Variants in RFX8 observed in about 807,000 individuals in gnomAD.
RFX8 encodes the protein DNA-binding protein RFX8.
A neutral mutation model predicts 54.6 loss-of-function variants in RFX8; 46 were observed. The ratio of observed to expected loss-of-function variants is 0.84; its 90% confidence interval spans 0.67 to 1.08. The LOEUF is 1.08. Among genes scored for constraint, RFX8 ranks in the 50% least tolerant of loss-of-function variants. The probability of loss-of-function intolerance (pLI) is 0.00; values close to 1 mark genes in which losing one functional copy is unlikely to be tolerated. For missense variants in RFX8, 536 were observed against 562.3 expected, an observed-to-expected ratio of 0.95 and a Z score of 0.47; for synonymous variants, 192 against 209.5, an observed-to-expected ratio of 0.92 and a Z score of 0.72.
intron 2 of RFX8, among the ~76,000 whole-genome samples, chr2:101,437,637 A>G (rs1015452955): frequency 6.6e-6 from 1 of 152,138 alleles, no homozygotes; most frequent in Non-Finnish European, 1.5e-5. Context: ...GAAAGAAGGA[A>G]GGAAGGAAAG....
chr2:101,462,211 T>G (rs776028793), intron 2 of RFX8, among the ~76,000 whole-genome samples: 1 of 152,102 alleles, frequency 6.6e-6, no homozygotes, highest in Non-Finnish European at 1.5e-5. Context: ...GTGCATTGCT[T>G]AAGCCCAGGG....
intron 10 of RFX8, among the ~76,000 whole-genome samples, chr2:101,403,776 G>T (rs990577415): frequency 1.3e-5 from 2 of 152,122 alleles, no homozygotes; most frequent in African/African-American, 4.8e-5. Flanking sequence ...GACAGAGCGA[G>T]ACTCCATCTC....
chr2:101,421,613 C>A, intron 4 of RFX8, 111 bp downstream of exon 4: 2 of 1,469,808 alleles, frequency 1.4e-6, no homozygotes, highest in Non-Finnish European at 1.8e-6. Flanking sequence ...AGTGGGTTAC[C>A]ATTGGACATC....
At chr2:101,421,486 A>G in intron 4 of RFX8, 2 of 1,198,770 alleles carry the variant, frequency 1.7e-6, no homozygotes, top group African/African-American at 3.1e-5. Context: ...TTTAGAGCCT[A>G]AAGTTATCTG....
chr2:101,452,004 G>A (rs185178099), intron 2 of RFX8, among the ~76,000 whole-genome samples: 5 of 151,422 alleles, frequency 3.3e-5, no homozygotes, highest in Non-Finnish European at 5.9e-5. Context: ...GAAGTGGAAG[G>A]ACTGCTTGAG....
chr2:101,419,022 C>CTTA (rs2104574169), intron 4 of RFX8, 58 bp from the exon 5 acceptor site: 1 of 834,958 alleles, frequency 1.2e-6, no homozygotes, highest in African/African-American at 1.7e-5. Flanking sequence ...CAAGACTAAC[C>CTTA]CCCCGCCACA....
chr2:101,402,593 G>A lies in RFX8; in HGVS notation c.1088C>T (p.Ser363Phe). ...CGCCTGCGACAGTGAGGAATTCAGA[G>A]AATGGAAAAGTGCCTGGTCTGGCTG... ...LGQPDQALFH[S>F]LNSSLSQACA... The change falls in exon 11 of 12, where the codon TCT becomes TTT. Residue 363 changes from serine to phenylalanine, a missense_variant. Coordinates refer to ENST00000428343, the MANE Select transcript of RFX8 (RefSeq NM_001145664.2). The A allele has an allele frequency of 6.4e-7, 1 of 1,552,066 alleles. No individual in the cohort carries two copies. The highest frequency in any genetic ancestry group is 8.7e-7 in the Non-Finnish European group (1 of 1,147,100).
chr2:101,419,306 G>C (rs958120827), intron 4 of RFX8, among the ~76,000 whole-genome samples: 1 of 152,180 alleles, frequency 6.6e-6, no homozygotes, highest in Non-Finnish European at 1.5e-5. Context: ...GAGAATAAAT[G>C]TTCATTGACT....
chr2:101,458,029 A>G (rs985579150), intron 2 of RFX8, among the ~76,000 whole-genome samples: 1 of 152,152 alleles, frequency 6.6e-6, no homozygotes, highest in African/African-American at 2.4e-5. Flanking sequence ...CAAGGATTGC[A>G]ACCCCTGCTT....
In RFX8 at chr2:101,418,916, C is replaced by A; in HGVS notation, c.286G>T (p.Val96Phe). ...SFWKSLQQDT[V>F]MLMSLPDVCQ... ...ACGTCAGGCAATGACATCAGCATGA[C>A]TGTGTCTTGCTGCAGAGACTTCCAG... Residue 96 changes from valine (V) to phenylalanine (F), a missense_variant, in exon 5 of 12, where the codon GTC becomes TTC. Val to Phe is a conservative substitution (Grantham distance 50). Transcript: ENST00000428343. The A allele has an allele frequency of 6.4e-7, 1 of 1,551,532 alleles. No homozygotes were observed. Among genetic ancestry groups the A allele is most frequent in the Non-Finnish European group, 8.7e-7 (1 of 1,146,866 alleles).
chr2:101,420,745 C>A (rs1364133638), intron 4 of RFX8, among the ~76,000 whole-genome samples: 1 of 152,078 alleles, frequency 6.6e-6, no homozygotes, highest in Non-Finnish European at 1.5e-5. Flanking sequence ...AGCAACGTGG[C>A]CTGCTTTGGA....
chr2:101,465,403 G>T (rs1689516473), intron 2 of RFX8, among the ~76,000 whole-genome samples: 1 of 152,126 alleles, frequency 6.6e-6, no homozygotes, highest in African/African-American at 2.4e-5. Flanking sequence ...CCAGATACTT[G>T]GGAGACTGAG....
chr2:101,432,574 T>C (rs1225341028), intron 2 of RFX8, among the ~76,000 whole-genome samples: 1 of 152,054 alleles, frequency 6.6e-6, no homozygotes, highest in Non-Finnish European at 1.5e-5. Context: ...GAGGTGGCCG[T>C]TTCAGACAGA....
chr2:101,450,289 C>A (rs548910597), intron 2 of RFX8, among the ~76,000 whole-genome samples: 1 of 152,148 alleles, frequency 6.6e-6, no homozygotes, highest in East Asian at 1.9e-4. Flanking sequence ...GACGCAATCA[C>A]GGCTCACTGC....
At chr2:101,467,549 T>A (rs1470659478) in intron 1 of RFX8, among the ~76,000 whole-genome samples, 1 of 152,208 alleles carries the variant, frequency 6.6e-6, no homozygotes, top group Non-Finnish European at 1.5e-5. Flanking sequence ...CTTTCTTCCC[T>A]ATTGGTACAG....
intron 2 of RFX8, among the ~76,000 whole-genome samples, chr2:101,453,624 T>A (rs1363083263): frequency 1.3e-5 from 2 of 152,136 alleles, no homozygotes; most frequent in Non-Finnish European, 1.5e-5. Flanking sequence ...TTTCTTCCAG[T>A]CTTTTTTTCA....
chr2:101,452,671 C>T (rs1389568363), intron 2 of RFX8, among the ~76,000 whole-genome samples: 1 of 152,120 alleles, frequency 6.6e-6, no homozygotes, highest in African/African-American at 2.4e-5. Context: ...AGAAAACATA[C>T]CACTTGGAGG....
rs1265396812 is a variant in RFX8, at chr2:101,474,967, T to C, written c.-384A>G. Among the ~76,000 whole-genome samples the C allele has an allele frequency of 1.3e-5, 2 of 152,206 alleles. No homozygotes were observed. The highest frequency in any genetic ancestry group is 4.8e-5 in the African/African-American group (2 of 41,472). On this transcript the variant is annotated 5_prime_UTR_variant, in exon 1 of 12. Coordinates refer to ENST00000428343, the MANE Select transcript of RFX8 (RefSeq NM_001145664.2). ...CTGGTCCCAGGTGACTCCAGTGTGC[T>C]GCTCCAGGTGAGCAGTGCCACCTCA... is the stretch of plus-strand genomic sequence containing the variant.
At chr2:101,417,207 GTA>G (rs1181139008) in intron 6 of RFX8, among the ~76,000 whole-genome samples, 1 of 152,190 alleles carries the variant, frequency 6.6e-6, no homozygotes, top group Non-Finnish European at 1.5e-5. Context: ...ATTTATTTAT[GTA>G]TTTCTTTACT....
Sources: gnomAD v4.1 joint callset for allele counts (sites outside exome capture counted in the v4.1 genomes callset) on GRCh38, gnomAD v4.1.1 for gene constraint, MANE v1.5 for transcripts, NCBI Gene and HGNC (gene_info 2026-07-23, HGNC 2026-07-21) for gene names.